The following VAC14 variants were observed in gnomAD, a reference collection of about 807,000 sequenced individuals.
VAC14 encodes the protein VAC14 component of PIKFYVE complex.
Under a neutral mutation model 85.3 loss-of-function variants are expected in VAC14, and 47 were observed. The observed-to-expected ratio is 0.55, with a 90% confidence interval of 0.44 to 0.70. The LOEUF (loss-of-function observed/expected upper bound fraction) is 0.70, where lower values mean the gene tolerates loss of function less well. Among genes scored for constraint, VAC14 ranks in the 30% least tolerant of loss-of-function variants. The probability of loss-of-function intolerance (pLI) is 0.00; values close to 1 mark genes in which losing one functional copy is unlikely to be tolerated. For synonymous variants in VAC14, 447 were observed against 430.5 expected (o/e 1.04, Z -0.47); for missense variants, 861 against 1,004.3 (o/e 0.86, Z 1.93).
rs962554358 is a variant in VAC14, at chr16:70,783,515, C to G, written c.634G>C (p.Asp212His). The change falls in exon 6 of 19, where the codon GAT (aspartate) becomes CAT (histidine). Residue 212 changes from aspartate (D) to histidine (H), a missense_variant. This residue lies in a region of VAC14 where 629 missense variants were observed against 703.1 expected (regional missense o/e 0.89). Coordinates refer to ENST00000261776, the MANE Select transcript of VAC14 (RefSeq NM_018052.5). ...LESVPDINLLDYLPEILDGLF... is the reference protein window; with the variant it reads ...LESVPDINLLHYLPEILDGLF... ...CCATCCAGGATCTCCGGCAGGTAAT[C>G]CAGCAGGTTAATGTCTGGCACCGAC... 6.2e-7 allele frequency: 1 copy of G among 1,614,030 alleles called. No individual in the cohort carries two copies. The highest frequency in any genetic ancestry group is 1.3e-5 in the African/African-American group (1 of 75,042).
At chr16:70,715,017 C>T (rs1220679557) in intron 14 of VAC14, 1 of 152,328 alleles carries the variant, frequency 6.6e-6, no homozygotes, top group Non-Finnish European at 1.5e-5. Flanking sequence ...TCTGAAGGCT[C>T]CTCTCAGGGA....
intron 14 of VAC14, among the ~76,000 whole-genome samples, chr16:70,724,234 G>A (rs1189665830): frequency 2.0e-5 from 3 of 152,194 alleles, no homozygotes; most frequent in African/African-American, 4.8e-5. Flanking sequence ...CATTTTGCAG[G>A]AGAAAAGCCA....
intron 18 of VAC14, chr16:70,688,345 G>A (rs1175533337): frequency 1.6e-5 from 18 of 1,154,508 alleles, no homozygotes; most frequent in Non-Finnish European, 1.9e-5. Flanking sequence ...GGCTGGCGAT[G>A]GCGCCCAGAG....
intron 14 of VAC14, chr16:70,714,282 T>C (rs1400171591): frequency 6.6e-6 from 1 of 152,194 alleles, no homozygotes. Context: ...AGGGGTAAGA[T>C]CATAGATGGG....
At chr16:70,769,061 C>T (rs866018835) in intron 10 of VAC14, 36 of 242,336 alleles carry the variant, frequency 1.5e-4, no homozygotes, top group Middle Eastern at 1.7e-3. Context: ...GGTGATCCAC[C>T]TGCCTTGGCC....
At chr16:70,784,297 G>A (rs1410290337) in intron 4 of VAC14, 77 bp from the exon 5 acceptor site, 45 of 1,229,008 alleles carry the variant, frequency 3.7e-5, no homozygotes, top group Non-Finnish European at 5.3e-5. Context: ...CTTGCCCAGG[G>A]CTGGCTCCAG....
intron 1 of VAC14, 135 bp downstream of exon 1, chr16:70,800,662 G>T: frequency 1.5e-6 from 1 of 688,720 alleles, no homozygotes; most frequent in Non-Finnish European, 2.4e-6. Flanking sequence ...CTCCCAATCT[G>T]CTCTTAAACA....
At chr16:70,782,979 G>T in intron 7 of VAC14, 54 bp downstream of exon 7, 1 of 1,491,298 alleles carries the variant, frequency 6.7e-7, no homozygotes, top group Non-Finnish European at 9.3e-7. Context: ...CTGCAGAGGT[G>T]GCAGTGGCAG....
chr16:70,748,953 AAAAAAACAAAACC>A (rs2031151678), intron 12 of VAC14, among the ~76,000 whole-genome samples: 1 of 152,184 alleles, frequency 6.6e-6, no homozygotes, highest in African/African-American at 2.4e-5. Flanking sequence ...AAAACAAAAC[AAAAAAACAAAACC>A]ATAAACCAAA....
intron 9 of VAC14, among the ~76,000 whole-genome samples, chr16:70,777,039 C>G (rs1216751700): frequency 2.0e-5 from 3 of 152,042 alleles, no homozygotes; most frequent in South Asian, 4.2e-4. Context: ...GAACTCCTGA[C>G]CTCGTGATCC....
Position 70,780,904 on chromosome 16 carries a change from G to A in VAC14, c.982C>T (p.Leu328=), listed in dbSNP as rs1221177690. ...TCCTCGGGGGTGACCAGCTTCATCA[G>A]GCTCTGGTTGCACACGTTGGCCACT... The part of the protein sequence containing the change: ...KEVANVCNQS[L]MKLVTPEDDE... The change falls in exon 9 of 19, where the codon CTG becomes TTG. Residue 328 remains leucine (L), a synonymous_variant. Coordinates refer to ENST00000261776, the MANE Select transcript of VAC14 (RefSeq NM_018052.5). 2.5e-6 allele frequency: 4 copies of A among 1,614,162 alleles called. No homozygotes were observed. Among genetic ancestry groups the A allele is most frequent in the Middle Eastern group, 1.6e-4 (1 of 6,062 alleles).
chr16:70,693,556 G>C (rs2053642852), intron 17 of VAC14, among the ~76,000 whole-genome samples: 1 of 152,184 alleles, frequency 6.6e-6, no homozygotes, highest in Non-Finnish European at 1.5e-5. Flanking sequence ...CGGCTCACAT[G>C]CCAGCCCTGC....
chr16:70,691,778 C>G, intron 18 of VAC14: 1 of 985,424 alleles, frequency 1.0e-6, no homozygotes, highest in Non-Finnish European at 1.2e-6. Context: ...CACACTCAGC[C>G]ATCCGAGGGC....
At chr16:70,788,726 GC>G (rs746118250) in intron 1 of VAC14, among the ~76,000 whole-genome samples, 34 of 152,232 alleles carry the variant, frequency 2.2e-4, no homozygotes, top group Non-Finnish European at 3.7e-4. Context: ...ATTCTCGCCT[GC>G]CATGCGGGCG....
chr16:70,758,672 C>T (rs1362665425), intron 12 of VAC14, among the ~76,000 whole-genome samples: 1 of 152,188 alleles, frequency 6.6e-6, no homozygotes, highest in African/African-American at 2.4e-5. Flanking sequence ...AGGCAGCCAA[C>T]AACTGGCATC....
intron 14 of VAC14, chr16:70,714,253 C>T (rs1209376488): frequency 2.6e-5 from 4 of 152,254 alleles, no homozygotes; most frequent in Non-Finnish European, 5.9e-5. Context: ...CATCATCTCT[C>T]TCCCCTGAGG....
intron 12 of VAC14, among the ~76,000 whole-genome samples, chr16:70,759,788 C>T (rs1024303720): frequency 2.0e-5 from 3 of 152,128 alleles, no homozygotes; most frequent in Admixed American, 6.5e-5. Context: ...CACACAAGCT[C>T]GCCTCCTGCT....
At chr16:70,713,526 A>C (rs1176209480) in intron 14 of VAC14, among the ~76,000 whole-genome samples, 1 of 152,170 alleles carries the variant, frequency 6.6e-6, no homozygotes, top group Admixed American at 6.5e-5. Context: ...AAGAATGGCC[A>C]GGGGAATGGA....
intron 17 of VAC14, among the ~76,000 whole-genome samples, chr16:70,694,220 G>A (rs2053660687): frequency 1.3e-5 from 2 of 152,144 alleles, no homozygotes; most frequent in African/African-American, 4.8e-5. Context: ...GGGAGGGAGG[G>A]CAGTCATCCT....
Sources: gnomAD v4.1 joint callset for allele counts (sites outside exome capture counted in the v4.1 genomes callset) on GRCh38, gnomAD v4.1.1 for gene constraint, gnomAD v4.1.1 regional missense constraint, MANE v1.5 for transcripts, NCBI Gene and HGNC (gene_info 2026-07-23, HGNC 2026-07-21) for gene names.